Variants in LRRFIP1 observed in about 807,000 individuals in gnomAD.
LRRFIP1 encodes the protein leucine-rich repeat flightless-interacting protein 1.
A neutral mutation model predicts 104.4 loss-of-function variants in LRRFIP1; 62 were observed. The observed-to-expected ratio is 0.59, with a 90% CI of 0.48 to 0.73. The LOEUF (loss-of-function observed/expected upper bound fraction) is 0.73, where lower values mean the gene tolerates loss of function less well. Among genes scored for constraint, LRRFIP1 ranks in the 30% least tolerant of loss-of-function variants. LRRFIP1 has a pLI of 0.00. For synonymous variants in LRRFIP1, 300 were observed against 299.0 expected, an observed-to-expected ratio of 1.00 and a Z score of -0.03; for missense variants, 796 against 824.5, an observed-to-expected ratio of 0.97 and a Z score of 0.42.
chr2:237,663,440 C>A (rs1025659305), intron 1 of LRRFIP1, among the ~76,000 whole-genome samples: 1 of 152,168 alleles, frequency 6.6e-6, no homozygotes, highest in Non-Finnish European at 1.5e-5. Context: ...CCCCCCCATC[C>A]CGCCATGTGA....
At position 237,717,640 on chromosome 2, in the gene LRRFIP1, G is replaced by T; in HGVS notation, c.202-122G>T. ...CTGGTGCCGACTGCTTTGCCTTGGC[G>T]TGTTACCTTCACCACACGGCTGGAT... is the stretch of plus-strand genomic sequence containing the variant. On this transcript the variant is annotated intron_variant, in intron 3 of 23. Transcript: ENST00000308482. The surrounding 1 kb of genome is among the most constrained non-coding windows in gnomAD (Gnocchi z 4.2). The T allele has an allele frequency of 1.2e-6, 1 of 812,646 alleles. No homozygotes were observed. The highest frequency in any genetic ancestry group is 2.2e-6 in the Non-Finnish European group (1 of 453,564). The allele number at this position is 812,646 out of a possible 1,614,324, so 50.3% of individuals were successfully genotyped here.
chr2:237,754,659 G>A (rs371615477), intron 15 of LRRFIP1, among the ~76,000 whole-genome samples: 4 of 152,126 alleles, frequency 2.6e-5, no homozygotes, highest in Admixed American at 6.5e-5. Context: ...CTGCTTCTTC[G>A]ACTGCTATAG....
chr2:237,769,596 G>GC, intron 19 of LRRFIP1: 1 of 257,926 alleles, frequency 3.9e-6, no homozygotes, highest in African/African-American at 2.2e-5. Flanking sequence ...CTCGGTGTTT[G>GC]TACATTGCTA....
chr2:237,772,509 AT>A (rs2060733926), intron 21 of LRRFIP1: 3 of 435,068 alleles, frequency 6.9e-6, no homozygotes, highest in Non-Finnish European at 8.1e-6. Context: ...AAAAAAAAAA[AT>A]GAAAGGCTTT....
At chr2:237,753,851 T>C (rs1478326937) in intron 15 of LRRFIP1, among the ~76,000 whole-genome samples, 2 of 149,872 alleles carry the variant, frequency 1.3e-5, no homozygotes, top group East Asian at 2.0e-4. Flanking sequence ...TATGTATGTA[T>C]GTATGTGTGG....
chr2:237,662,025 C>A (rs1304156068), intron 1 of LRRFIP1, among the ~76,000 whole-genome samples: 1 of 152,214 alleles, frequency 6.6e-6, no homozygotes, highest in African/African-American at 2.4e-5. Flanking sequence ...GAACTGTATT[C>A]TCTCACAGTT....
chr2:237,739,451 C>T, intron 11 of LRRFIP1, 142 bp downstream of exon 11: 7 of 788,364 alleles, frequency 8.9e-6, no homozygotes, highest in Non-Finnish European at 1.4e-5. Flanking sequence ...TTTTCAAGGA[C>T]CGTAAAAGAA....
intron 11 of LRRFIP1, among the ~76,000 whole-genome samples, chr2:237,742,957 T>C (rs1040134878): frequency 4.6e-5 from 7 of 151,862 alleles, no homozygotes; most frequent in African/African-American, 7.3e-5. Flanking sequence ...GCTGGGCACA[T>C]AAACTTCTTG....
At chr2:237,648,521 A>C (rs1458335215) in intron 1 of LRRFIP1, among the ~76,000 whole-genome samples, 2 of 151,312 alleles carry the variant, frequency 1.3e-5, no homozygotes, top group Non-Finnish European at 3.0e-5. Flanking sequence ...TGAGGCCAGG[A>C]GTTTGAGACC....
At chr2:237,714,229 A>G in intron 2 of LRRFIP1, 30 bp from the exon 3 acceptor site, 4 of 1,542,996 alleles carry the variant, frequency 2.6e-6, no homozygotes, top group Non-Finnish European at 2.7e-6. Context: ...TGGATTTTAC[A>G]TTTCTTTTTT....
At chr2:237,695,033 G>A (rs903461911) in intron 1 of LRRFIP1, among the ~76,000 whole-genome samples, 1 of 152,216 alleles carries the variant, frequency 6.6e-6, no homozygotes, top group African/African-American at 2.4e-5. Context: ...CCAATATGGG[G>A]ATGAATCAGT....
intron 1 of LRRFIP1, among the ~76,000 whole-genome samples, chr2:237,694,696 T>G (rs2093047853): frequency 6.6e-6 from 1 of 152,174 alleles, no homozygotes; most frequent in South Asian, 2.1e-4. Context: ...AAGCTCCACC[T>G]CAACTAGAAG....
At chr2:237,632,205 A>ACTGTCCC (rs1559431295) in intron 1 of LRRFIP1, among the ~76,000 whole-genome samples, 8 of 149,796 alleles carry the variant, frequency 5.3e-5, no homozygotes, top group African/African-American at 2.0e-4. Context: ...AAGGGGTCAC[A>ACTGTCCC]CAGCCCCCAA....
intron 1 of LRRFIP1, among the ~76,000 whole-genome samples, chr2:237,628,752 G>C (rs777765502): frequency 9.9e-5 from 15 of 152,146 alleles, no homozygotes; most frequent in Non-Finnish European, 1.5e-4. Flanking sequence ...GTGGTGTCTG[G>C]CTGTATCCGT....
intron 8 of LRRFIP1, among the ~76,000 whole-genome samples, chr2:237,732,710 C>T (rs1160035491): frequency 6.6e-6 from 1 of 152,214 alleles, no homozygotes; most frequent in Non-Finnish European, 1.5e-5. Flanking sequence ...GGTCTCTCCT[C>T]CTTTTCCAGC....
chr2:237,629,467 CTTTTTTTTT>C (rs745503726), intron 1 of LRRFIP1, among the ~76,000 whole-genome samples: 4 of 117,374 alleles, frequency 3.4e-5, no homozygotes, highest in African/African-American at 1.3e-4. Flanking sequence ...TTTCTTTCTT[CTTTTTTTTT>C]TTTTTTTTTT....
intron 1 of LRRFIP1, among the ~76,000 whole-genome samples, chr2:237,669,768 A>C (rs1575325413): frequency 6.6e-6 from 1 of 152,168 alleles, no homozygotes; most frequent in African/African-American, 2.4e-5. Context: ...CCCTGTAAAA[A>C]TAACGGTGTC....
chr2:237,729,338 C>T (rs1559700434), intron 8 of LRRFIP1, among the ~76,000 whole-genome samples: 2 of 152,246 alleles, frequency 1.3e-5, no homozygotes, highest in South Asian at 2.1e-4. Flanking sequence ...GGCTGTCACA[C>T]TCCACCCACC....
rs536354344 is a variant in LRRFIP1, at chr2:237,764,452, C to T, written c.1459+4247C>T. 8.1e-6 allele frequency: 10 copies of T among 1,227,302 alleles called. No homozygotes were observed. In the South Asian group the frequency reaches 1.6e-4, roughly 19 times the overall value. 76.0% of individuals were successfully genotyped at this position (1,227,302 alleles called of 1,614,324 possible). A position where few individuals can be genotyped will look rare whatever the true frequency, so the allele number is the denominator to read the frequency against. ...AAAAATAGAGGCATTTACTATTTGC[C>T]TTAGGCTGATAGGAATGTGGGTTTT... On this transcript the variant is annotated intron_variant, in intron 19 of 23. Transcript: ENST00000308482.
Sources: allele counts gnomAD v4.1 joint callset (sites outside exome capture counted in the v4.1 genomes callset), GRCh38; gene constraint gnomAD v4.1.1; non-coding constraint Gnocchi (gnomAD v3.1); transcripts MANE v1.5; gene names NCBI Gene and HGNC (gene_info 2026-07-23, HGNC 2026-07-21).